Variants in CDH12 observed in about 807,000 individuals in gnomAD.
CDH12 encodes cadherin 12.
In CDH12, 41 loss-of-function variants were observed where a neutral mutation model predicts 74.1. The ratio of observed to expected loss-of-function variants is 0.55; its 90% CI spans 0.43 to 0.72. The LOEUF (loss-of-function observed/expected upper bound fraction) is 0.72, where lower values mean the gene tolerates loss of function less well. CDH12 is among the 30% of genes least tolerant of loss of function. The pLI, the probability that CDH12 is intolerant of heterozygous loss-of-function variation, is 0.00. For missense variants in CDH12, 945 were observed against 977.2 expected (o/e 0.97, Z 0.44); for synonymous variants, 399 against 355.0 (o/e 1.12, Z -1.39).
chr5:22,488,429 A>T (rs1314659185), intron 2 of CDH12, among the ~76,000 whole-genome samples: 1 of 152,206 alleles, frequency 6.6e-6, no homozygotes, highest in African/African-American at 2.4e-5. Flanking sequence ...AAGTGAATGC[A>T]GTTTTATTAA....
chr5:22,084,928 G>C (rs536650858), intron 4 of CDH12, among the ~76,000 whole-genome samples: 1 of 152,132 alleles, frequency 6.6e-6, no homozygotes, highest in Non-Finnish European at 1.5e-5. Context: ...ATAAAAGCAA[G>C]AACAGAAAGC....
chr5:22,110,527 A>G (rs1042542885), intron 4 of CDH12, among the ~76,000 whole-genome samples: 1 of 151,972 alleles, frequency 6.6e-6, no homozygotes, highest in Non-Finnish European at 1.5e-5. Flanking sequence ...AGACAGTGCA[A>G]TCATAGGGTT....
chr5:21,783,326 T>A, intron 11 of CDH12, 32 bp downstream of exon 11: 1 of 1,595,752 alleles, frequency 6.3e-7, no homozygotes, highest in East Asian at 2.3e-5. Context: ...AGAACTGCAG[T>A]ATAACATTGA....
chr5:22,660,241 T>C (rs1163581831), intron 1 of CDH12, among the ~76,000 whole-genome samples: 1 of 152,172 alleles, frequency 6.6e-6, no homozygotes, highest in Non-Finnish European at 1.5e-5. Context: ...ACTCAAAATA[T>C]ATTCTGGGAA....
intron 4 of CDH12, among the ~76,000 whole-genome samples, chr5:22,189,259 T>G (rs1486758672): frequency 6.6e-6 from 1 of 152,212 alleles, no homozygotes; most frequent in East Asian, 1.9e-4. Flanking sequence ...CACAAGTTGA[T>G]GTACTTAAAT....
intron 2 of CDH12, among the ~76,000 whole-genome samples, chr5:22,461,990 A>T (rs1262328853): frequency 6.6e-6 from 1 of 152,162 alleles, no homozygotes; most frequent in Non-Finnish European, 1.5e-5. Context: ...GCATTTATTA[A>T]TTCCAGATGG....
chr5:22,017,041 T>C (rs570054902), intron 5 of CDH12, among the ~76,000 whole-genome samples: 143 of 152,194 alleles, frequency 9.4e-4, no homozygotes, highest in Middle Eastern at 3.4e-3. Context: ...CATTACAAAC[T>C]CAAGCTAACT....
chr5:22,214,179 T>C (rs1751702299), intron 3 of CDH12, among the ~76,000 whole-genome samples: 1 of 152,110 alleles, frequency 6.6e-6, no homozygotes, highest in Non-Finnish European at 1.5e-5. Context: ...ACTGAATTGC[T>C]GTTACTAAGG....
In CDH12 at chr5:22,508,304, G is replaced by A. The variant is rs145081988; in HGVS notation, c.-522-2940C>T. Among the ~76,000 whole-genome samples, 236 of 152,230 alleles carry A rather than the reference G, an allele frequency of 1.6e-3. 4 individuals are homozygous for A. Among genetic ancestry groups the A allele is most frequent in the Admixed American group, 0.012 (176 of 15,282 alleles). On this transcript the variant is annotated intron_variant, in intron 1 of 14. Coordinates refer to ENST00000382254, the MANE Select transcript of CDH12 (RefSeq NM_004061.5). ...CAAACCATCAATTCTCAACAGATGG[G>A]TTTTATTTAACCTTGTATATGGTGA...
At chr5:22,362,919 T>C (rs1035914197) in intron 3 of CDH12, among the ~76,000 whole-genome samples, 3 of 99,706 alleles carry the variant, frequency 3.0e-5, no homozygotes, top group Non-Finnish European at 5.6e-5. Flanking sequence ...CATAACACAC[T>C]GGGGCCTGTT....
chr5:22,446,021 T>C (rs973591565), intron 2 of CDH12, among the ~76,000 whole-genome samples: 15 of 152,136 alleles, frequency 9.9e-5, no homozygotes, highest in African/African-American at 3.6e-4. Flanking sequence ...CAAGGTTCCC[T>C]GAAAAACACT....
intron 2 of CDH12, among the ~76,000 whole-genome samples, chr5:22,470,390 C>T (rs1015431890): frequency 8.7e-6 from 1 of 114,472 alleles, no homozygotes; most frequent in East Asian, 2.7e-4. Flanking sequence ...ATGATTGTTA[C>T]AATTATTTTT....
intron 1 of CDH12, among the ~76,000 whole-genome samples, chr5:22,828,551 T>C (rs1736443263): frequency 1.3e-5 from 2 of 152,186 alleles, no homozygotes; most frequent in African/African-American, 4.8e-5. Flanking sequence ...CAGATCTCAG[T>C]GACTGAATCC....
rs557451368 is a variant in CDH12, at chr5:22,152,855, A to C, written c.-187+59643T>G. Among the ~76,000 whole-genome samples, 234 of 152,274 alleles carry C rather than the reference A, an allele frequency of 1.5e-3. 3 individuals are homozygous for C. Among genetic ancestry groups the C allele is most frequent in the African/African-American group, 4.9e-3 (204 of 41,556 alleles). ...GGATATCAGCTTTCAAGAGTGAGATATTGTGGCATTTGTCTCTCTGTTCCT... is the reference window on the plus strand; with the variant it reads ...GGATATCAGCTTTCAAGAGTGAGATCTTGTGGCATTTGTCTCTCTGTTCCT... On this transcript the variant is annotated intron_variant, in intron 4 of 14. Transcript: ENST00000382254.
chr5:22,818,421 C>T (rs908183156), intron 1 of CDH12, among the ~76,000 whole-genome samples: 3 of 152,138 alleles, frequency 2.0e-5, no homozygotes, highest in African/African-American at 7.2e-5. Flanking sequence ...CTTCCTCCAT[C>T]CCTTTCACTT....
At chr5:22,275,813 G>C (rs1016151845) in intron 3 of CDH12, among the ~76,000 whole-genome samples, 1 of 152,088 alleles carries the variant, frequency 6.6e-6, no homozygotes, top group African/African-American at 2.4e-5. Flanking sequence ...AGAGTTAATA[G>C]AAACTGTTTG....
intron 3 of CDH12, among the ~76,000 whole-genome samples, chr5:22,228,193 C>T (rs965168082): frequency 2.7e-5 from 4 of 150,712 alleles, no homozygotes; most frequent in East Asian, 1.9e-4. Flanking sequence ...ATAATGGTAC[C>T]GATTATTTAC....
Position 22,016,280 on chromosome 5 carries a change from T to C in CDH12, c.232-40895A>G, listed in dbSNP as rs1737602657. ...CATAAAAGTGTACACAGAACACTTT[T>C]GTGATGCTTGCTAATCTTAATTAAA... On this transcript the variant is annotated intron_variant, in intron 5 of 14. Coordinates refer to ENST00000382254, the MANE Select transcript of CDH12 (RefSeq NM_004061.5). Among the ~76,000 whole-genome samples, 3 of 152,166 alleles carry C rather than the reference T, an allele frequency of 2.0e-5. 1 individual carries two copies. Among genetic ancestry groups the C allele is most frequent in the African/African-American group, 7.2e-5 (3 of 41,408 alleles).
At chr5:22,499,650 C>A (rs999215805) in intron 2 of CDH12, among the ~76,000 whole-genome samples, 1 of 152,042 alleles carries the variant, frequency 6.6e-6, no homozygotes, top group African/African-American at 2.4e-5. Context: ...CATATTATTG[C>A]CTGCTAAATG....
Sources: gnomAD v4.1 joint callset for allele counts (sites outside exome capture counted in the v4.1 genomes callset) on GRCh38, gnomAD v4.1.1 for gene constraint, MANE v1.5 for transcripts, NCBI Gene and HGNC (gene_info 2026-07-23, HGNC 2026-07-21) for gene names.